The following ALPK3 variants were observed in gnomAD, a reference collection of about 807,000 sequenced individuals.
ALPK3 encodes alpha kinase 3.
In ALPK3, 102 loss-of-function variants were observed where a neutral mutation model predicts 140.0. That is an observed-to-expected ratio of 0.73 (90% confidence interval 0.62 to 0.86). ALPK3 has a LOEUF of 0.86. Among genes scored for constraint, ALPK3 ranks in the 40% least tolerant of loss-of-function variants. The probability of loss-of-function intolerance (pLI) is 0.00; values close to 1 mark genes in which losing one functional copy is unlikely to be tolerated. For synonymous variants in ALPK3, 938 were observed against 898.5 expected (o/e 1.04, Z -0.79); for missense variants, 2,254 against 2,208.2 (o/e 1.02, Z -0.42).
At chr15:84,849,725 A>G (rs1963780101) in intron 5 of ALPK3, among the ~76,000 whole-genome samples, 1 of 152,194 alleles carries the variant, frequency 6.6e-6, no homozygotes, top group Non-Finnish European at 1.5e-5. Context: ...AAAATACAAC[A>G]TACCAAAATG....
intron 5 of ALPK3, among the ~76,000 whole-genome samples, chr15:84,855,138 T>C (rs1383317409): frequency 6.6e-6 from 1 of 152,252 alleles, no homozygotes; most frequent in Non-Finnish European, 1.5e-5. Context: ...CCTTGTCTGC[T>C]CTGCTCATCT....
chr15:84,837,393 C>T (rs909813428), intron 3 of ALPK3, among the ~76,000 whole-genome samples: 2 of 152,152 alleles, frequency 1.3e-5, no homozygotes, highest in African/African-American at 2.4e-5. Context: ...TACTTAGGAG[C>T]GTGGTGCATC....
chr15:84,818,293 G>C (rs1287547235), intron 1 of ALPK3, among the ~76,000 whole-genome samples: 1 of 152,178 alleles, frequency 6.6e-6, no homozygotes, highest in East Asian at 1.9e-4. Context: ...GGTCTTCCAA[G>C]AGTTCAAGAG....
At chr15:84,855,311 G>C (rs1300216127) in intron 5 of ALPK3, among the ~76,000 whole-genome samples, 1 of 152,198 alleles carries the variant, frequency 6.6e-6, no homozygotes, top group Non-Finnish European at 1.5e-5. Flanking sequence ...CTCCCGCTGA[G>C]CTGTGGCCCT....
At chr15:84,820,488 G>GA (rs1963409722) in intron 1 of ALPK3, among the ~76,000 whole-genome samples, 2 of 149,630 alleles carry the variant, frequency 1.3e-5, no homozygotes, top group South Asian at 4.2e-4. Flanking sequence ...ATTTTAGTGT[G>GA]TTTTTTTTTT....
At chr15:84,850,889 C>CACACACACAA (rs1963795595) in intron 5 of ALPK3, among the ~76,000 whole-genome samples, 1 of 151,150 alleles carries the variant, frequency 6.6e-6, no homozygotes, top group East Asian at 1.9e-4. Context: ...TACACACACA[C>CACACACACAA]ACACACACAC....
chr15:84,860,711 A>G (rs1963934071), intron 9 of ALPK3, among the ~76,000 whole-genome samples: 1 of 152,050 alleles, frequency 6.6e-6, no homozygotes, highest in African/African-American at 2.4e-5. Flanking sequence ...TCTTTCAATC[A>G]CTCATTCATC....
chr15:84,857,029 G>T lies in ALPK3; in HGVS notation c.2291G>T (p.Cys764Phe). Reference sequence around the variant, plus strand: ...TTTGTACAGACCCCAGAAGGGTCTTGTTTCCCAAAAAAACCTGGTTGCCTG... The same window carrying T: ...TTTGTACAGACCCCAGAAGGGTCTTTTTTCCCAAAAAAACCTGGTTGCCTG... Reference protein sequence around the residue: ...ECFVQTPEGSCFPKKPGCLPR... With the variant: ...ECFVQTPEGSFFPKKPGCLPR... The change falls in exon 6 of 14, where the codon TGT (cysteine) becomes TTT (phenylalanine). Residue 764 changes from cysteine to phenylalanine, a missense_variant. Physicochemically the swap from Cys to Phe is radical, Grantham distance 205. Around this residue, in one of 3 missense-constraint regions of ALPK3, gnomAD observed 2,088 missense variants for 2,022.9 expected, o/e 1.03. Coordinates refer to ENST00000258888, the MANE Select transcript of ALPK3 (RefSeq NM_020778.5). 6.2e-7 allele frequency: 1 copy of T among 1,614,158 alleles called. No individual in the cohort carries two copies. Among genetic ancestry groups the T allele is most frequent in the Non-Finnish European group, 8.5e-7 (1 of 1,180,028 alleles).
rs202162264 is a variant in ALPK3 at position 84,858,524 on chromosome 15, C to G, written c.3786C>G (p.Ala1262=). Residue 1262 remains alanine, a synonymous_variant, in exon 6 of 14, where the codon GCC becomes GCG. Transcript: ENST00000258888. The part of the protein sequence containing the change: ...ALDEGKQETL[A]KPRKAKDLLK... ...ATGAAGGCAAGCAGGAGACACTGGC[C>G]AAGCCCAGGAAAGCCAAAGACCTGC... The G allele has an allele frequency of 7.1e-5, 112 of 1,588,240 alleles. No homozygotes were observed. In the African/African-American group the frequency reaches 1.4e-3, roughly 20 times the overall value.
At chr15:84,863,005 A>C in intron 10 of ALPK3, 90 bp downstream of exon 10, 3 of 1,502,814 alleles carry the variant, frequency 2.0e-6, no homozygotes, top group African/African-American at 1.4e-5. Context: ...CCCAGTATCG[A>C]GGCAGAAGGC....
At position 84,857,929 on chromosome 15, in the gene ALPK3, C is replaced by G. The variant is rs1478234859; in HGVS notation, c.3191C>G (p.Pro1064Arg). 2 of 1,609,776 alleles carry G rather than the reference C, an allele frequency of 1.2e-6. No individual in the cohort carries two copies. The highest frequency in any genetic ancestry group is 1.7e-6 in the Non-Finnish European group (2 of 1,178,640). ...ALAAARGSWG[P>R]GPSSLTVPAI... ...GCTGCTGCCCGAGGCTCCTGGGGTC[C>G]TGGTCCCAGCTCCCTCACTGTCCCT... Residue 1064 changes from proline to arginine, a missense_variant, in exon 6 of 14, where the codon CCT (proline) becomes CGT (arginine). Physicochemically the swap from Pro to Arg is moderately radical, Grantham distance 103. Around this residue, in one of 3 missense-constraint regions of ALPK3, gnomAD observed 2,088 missense variants for 2,022.9 expected, o/e 1.03. Transcript: ENST00000258888.
chr15:84,864,622 G>C lies in ALPK3; in HGVS notation c.4680G>C (p.Leu1560=). ...MQKCQTFQHW[L]YQWTNGSFLV... is the part of the protein sequence containing the mutation. Reference sequence around the variant, plus strand: ...AATGCCAGACCTTCCAACACTGGCTGTATCAGTGGACAAATGGCAGCTTCC... The same window carrying C: ...AATGCCAGACCTTCCAACACTGGCTCTATCAGTGGACAAATGGCAGCTTCC... Residue 1560 remains leucine, a synonymous_variant, in exon 12 of 14, where the codon CTG becomes CTC. Transcript: ENST00000258888. 6.2e-7 allele frequency: 1 copy of C among 1,614,226 alleles called. No individual in the cohort carries two copies. The highest frequency in any genetic ancestry group is 8.5e-7 in the Non-Finnish European group (1 of 1,180,034).
At chr15:84,837,027 T>C (rs1415574035) in intron 3 of ALPK3, among the ~76,000 whole-genome samples, 2 of 152,132 alleles carry the variant, frequency 1.3e-5, no homozygotes, top group Non-Finnish European at 2.9e-5. Flanking sequence ...CAGATGGGCA[T>C]AGGAATTGGA....
intron 3 of ALPK3, among the ~76,000 whole-genome samples, chr15:84,834,774 G>A (rs1055309375): frequency 1.3e-5 from 2 of 152,250 alleles, no homozygotes; most frequent in African/African-American, 4.8e-5. Context: ...GCCATGGGCT[G>A]TCCTGGCCAG....
rs1447699127 is a variant in ALPK3, at chr15:84,857,273, G to A, written c.2535G>A (p.Gly845=). ...AGTGCCCCAAGGAGGAGCGGCCAGG[G>A]GGAGTGCCGTGTATGGATCAGGGTG... ...PFQCPKEERP[G]GVPCMDQGGC... Residue 845 remains glycine, a synonymous_variant, in exon 6 of 14, where the codon GGG becomes GGA. Coordinates refer to ENST00000258888, the MANE Select transcript of ALPK3 (RefSeq NM_020778.5). 4 of 1,613,974 alleles carry A rather than the reference G, an allele frequency of 2.5e-6. No homozygotes were observed. Among genetic ancestry groups the A allele is most frequent in the Non-Finnish European group, 2.5e-6 (3 of 1,179,994 alleles).
chr15:84,862,984 C>T, intron 10 of ALPK3, 69 bp downstream of exon 10: 2 of 1,558,814 alleles, frequency 1.3e-6, no homozygotes, highest in Admixed American at 3.5e-5. Context: ...AGCCCAGGTC[C>T]TGTTAGGATG....
rs781341096 is a variant in ALPK3, at chr15:84,868,398, A to T, written c.5060A>T (p.Gln1687Leu). The change falls in exon 14 of 14, where the codon CAG becomes CTG. Residue 1687 changes from glutamine to leucine, a missense_variant. By Grantham distance (113) the Gln-to-Leu change is moderately radical. This residue lies in a region of ALPK3 where 158 missense variants were observed against 159.8 expected (regional missense o/e 0.99). Coordinates refer to ENST00000258888, the MANE Select transcript of ALPK3 (RefSeq NM_020778.5). ...CAGGCCTCAGAGCCAGTCACCACTC[A>T]GTTGTTGGGACAGCCTCCCACCCAA... ...TPQASEPVTTQLLGQPPTQEE... is the reference protein window; with the variant it reads ...TPQASEPVTTLLLGQPPTQEE... 4.3e-6 allele frequency: 7 copies of T among 1,613,208 alleles called. No homozygotes were observed. The highest frequency in any genetic ancestry group is 5.9e-6 in the Non-Finnish European group (7 of 1,179,998).
Position 84,839,101 on chromosome 15 carries a change from A to T in ALPK3, c.422+4A>T. On this transcript the variant is annotated splice_donor_region_variant and intron_variant, in intron 4 of 13. Coordinates refer to ENST00000258888, the MANE Select transcript of ALPK3 (RefSeq NM_020778.5). ...GCCACACACTGCAGCTGTACAGGTG[A>T]GGGAGAAGGGCCTGTTTTGCTCTCT... 6.2e-7 allele frequency: 1 copy of T among 1,602,398 alleles called. No homozygotes were observed.
intron 9 of ALPK3, among the ~76,000 whole-genome samples, chr15:84,861,367 T>C (rs961929248): frequency 2.0e-5 from 3 of 152,236 alleles, no homozygotes; most frequent in Non-Finnish European, 4.4e-5. Context: ...GTGTGATTTT[T>C]TTTTTTGGAG....
Sources: allele counts gnomAD v4.1 joint callset (sites outside exome capture counted in the v4.1 genomes callset), GRCh38; gene constraint gnomAD v4.1.1; regional missense constraint gnomAD v4.1.1; transcripts MANE v1.5; gene names NCBI Gene and HGNC (gene_info 2026-07-23, HGNC 2026-07-21).